The following CDC42SE2 variants were observed in gnomAD, a reference collection of about 807,000 sequenced individuals.
CDC42SE2 encodes CDC42 small effector 2, also known as CDC42 small effector protein 2.
Under a neutral mutation model 11.5 loss-of-function variants are expected in CDC42SE2, and 3 were observed. That is an observed-to-expected ratio of 0.26 (90% CI 0.12 to 0.67). CDC42SE2 has a LOEUF of 0.67. Ranked by LOEUF, CDC42SE2 falls within the 30% of genes least tolerant of loss-of-function variation. The probability of loss-of-function intolerance (pLI) is 0.80; values close to 1 mark genes in which losing one functional copy is unlikely to be tolerated. For missense variants in CDC42SE2, 82 were observed against 106.8 expected (o/e 0.77, Z 1.02); for synonymous variants, 33 against 34.8 (o/e 0.95, Z 0.18).
chr5:131,254,194 C>G (rs1188531326), intron 1 of CDC42SE2, among the ~76,000 whole-genome samples: 1 of 152,140 alleles, frequency 6.6e-6, no homozygotes, highest in African/African-American at 2.4e-5. Flanking sequence ...AGCCCCGCAC[C>G]TCCCCCCAGC....
At chr5:131,316,370 G>A (rs1021243922) in intron 2 of CDC42SE2, among the ~76,000 whole-genome samples, 5 of 152,138 alleles carry the variant, frequency 3.3e-5, no homozygotes, top group Non-Finnish European at 7.4e-5. Flanking sequence ...CTTTGCCTAG[G>A]CATTTTTCTC....
At chr5:131,304,746 T>C (rs1355957032) in intron 1 of CDC42SE2, among the ~76,000 whole-genome samples, 2 of 152,210 alleles carry the variant, frequency 1.3e-5, no homozygotes, top group African/African-American at 4.8e-5. Context: ...TTTCTGATCC[T>C]TAGCATTGAG....
chr5:131,215,145 C>G, the CDC42SE2 span, among the ~76,000 whole-genome samples: 1 of 152,084 alleles, frequency 6.6e-6, no homozygotes, highest in Non-Finnish European at 1.5e-5. Flanking sequence ...TAGCATCACC[C>G]GGAGAAAAGT....
chr5:131,344,837 T>C (rs990150037), intron 2 of CDC42SE2, among the ~76,000 whole-genome samples: 3 of 152,196 alleles, frequency 2.0e-5, no homozygotes, highest in African/African-American at 7.2e-5. Flanking sequence ...CATTTGCCAT[T>C]ATGCAATATT....
intron 2 of CDC42SE2, among the ~76,000 whole-genome samples, chr5:131,328,550 C>T (rs1290185818): frequency 1.3e-5 from 2 of 152,116 alleles, no homozygotes; most frequent in African/African-American, 4.8e-5. Flanking sequence ...TTCAGTATTT[C>T]TACTTGATCC....
chr5:131,321,390 G>C (rs1188818644), intron 2 of CDC42SE2, among the ~76,000 whole-genome samples: 1 of 152,162 alleles, frequency 6.6e-6, no homozygotes, highest in Non-Finnish European at 1.5e-5. Context: ...GCTGGGTGTA[G>C]TGGCACATGC....
intron 2 of CDC42SE2, among the ~76,000 whole-genome samples, chr5:131,339,310 G>A (rs1159605317): frequency 4.1e-5 from 6 of 146,720 alleles, no homozygotes; most frequent in African/African-American, 1.3e-4. Flanking sequence ...GACTTGCACA[G>A]GAAAAACAGT....
chr5:131,383,049 TGAAGA>T (rs1750369411), intron 3 of CDC42SE2, among the ~76,000 whole-genome samples: 2 of 152,238 alleles, frequency 1.3e-5, no homozygotes, highest in Middle Eastern at 3.4e-3. Flanking sequence ...AAAAATAGTA[TGAAGA>T]GAAGTATGTT....
At chr5:131,349,421 A>T (rs1304640790) in intron 2 of CDC42SE2, among the ~76,000 whole-genome samples, 1 of 152,180 alleles carries the variant, frequency 6.6e-6, no homozygotes, top group Non-Finnish European at 1.5e-5. Flanking sequence ...GCACACCAAC[A>T]TGGCACATGT....
intron 1 of CDC42SE2, among the ~76,000 whole-genome samples, chr5:131,299,619 G>A (rs531865373): frequency 6.6e-6 from 1 of 152,308 alleles, no homozygotes; most frequent in African/African-American, 2.4e-5. Flanking sequence ...AGCACATCCT[G>A]TGGAGCTGCA....
intron 3 of CDC42SE2, 122 bp downstream of exon 3, chr5:131,359,669 A>G: frequency 1.3e-6 from 1 of 765,540 alleles, no homozygotes; most frequent in Non-Finnish European, 2.4e-6. Context: ...ACCACAGAGA[A>G]TAGTTCAGTG....
chr5:131,218,662 A>C, the CDC42SE2 span, among the ~76,000 whole-genome samples: 1 of 152,364 alleles, frequency 6.6e-6, no homozygotes, highest in South Asian at 2.1e-4. Context: ...ATACCATGAG[A>C]TACTATACAG....
At chr5:131,257,934 T>C (rs554091698) in intron 2 of CDC42SE2, among the ~76,000 whole-genome samples, 2 of 152,276 alleles carry the variant, frequency 1.3e-5, no homozygotes, top group East Asian at 3.9e-4. Context: ...TGGTGCTAGT[T>C]CTGCTCGTTC....
chr5:131,379,724 T>C (rs1750262616), intron 3 of CDC42SE2, among the ~76,000 whole-genome samples: 1 of 152,184 alleles, frequency 6.6e-6, no homozygotes, highest in Admixed American at 6.5e-5. Flanking sequence ...TAAAAGTTAA[T>C]ATTTTAAGGA....
At chr5:131,305,048 A>T (rs1296373690) in intron 1 of CDC42SE2, among the ~76,000 whole-genome samples, 1 of 151,884 alleles carries the variant, frequency 6.6e-6, no homozygotes, top group Non-Finnish European at 1.5e-5. Flanking sequence ...TTCCTAGGAG[A>T]TTAGCTGATC....
chr5:131,337,784 TCTC>T (rs1758610484), intron 2 of CDC42SE2, among the ~76,000 whole-genome samples: 1 of 152,212 alleles, frequency 6.6e-6, no homozygotes, highest in African/African-American at 2.4e-5. Context: ...TGGGATATAA[TCTC>T]CTGGTGTGCC....
At chr5:131,326,445 G>C (rs1432342849) in intron 2 of CDC42SE2, among the ~76,000 whole-genome samples, 1 of 152,064 alleles carries the variant, frequency 6.6e-6, no homozygotes, top group Non-Finnish European at 1.5e-5. Context: ...TGTGTTTTGG[G>C]CCATGCTTTT....
chr5:131,354,748 A>G (rs1749481810), intron 2 of CDC42SE2: 1 of 152,228 alleles, frequency 6.6e-6, no homozygotes, highest in Non-Finnish European at 1.5e-5. Flanking sequence ...CGTAACAAAA[A>G]AGCATCTTAT....
chr5:131,357,208 T>C (rs73786656), intron 2 of CDC42SE2, among the ~76,000 whole-genome samples: 2,629 of 152,312 alleles, frequency 0.017, 75 homozygotes, highest in African/African-American at 0.06. Flanking sequence ...ACATTCCAGG[T>C]TCTGAATTTT....
Sources: allele counts gnomAD v4.1 joint callset (sites outside exome capture counted in the v4.1 genomes callset), GRCh38; gene constraint gnomAD v4.1.1; transcripts MANE v1.5; gene names NCBI Gene and HGNC (gene_info 2026-07-23, HGNC 2026-07-21).